APOOL: variants seen among roughly 807,000 people sequenced by gnomAD.
APOOL encodes the protein apolipoprotein O like.
In APOOL, 12 loss-of-function variants were observed where a neutral mutation model predicts 23.1. The ratio of observed to expected loss-of-function variants is 0.52; its 90% CI spans 0.33 to 0.84. APOOL has a LOEUF of 0.84. APOOL is among the 40% of genes least tolerant of loss of function. APOOL has a pLI of 0.02. For synonymous variants in APOOL, 77 were observed against 69.9 expected (o/e 1.10, Z -0.51); for missense variants, 212 against 199.6 (o/e 1.06, Z -0.37).
At position 85,089,831 on chromosome X, in the gene APOOL, A is replaced by C. The variant is rs770804390; in HGVS notation, c.*2153A>C. On this transcript the variant is annotated 3_prime_UTR_variant, in exon 9 of 9. Coordinates refer to ENST00000373173, the MANE Select transcript of APOOL (RefSeq NM_198450.6). ...AATTACTCTCCCTCAAGTCATCATC[A>C]TCACTTTTCTGGGTTACTGTAATAG... 2 of 110,980 alleles carry C rather than the reference A, an allele frequency of 1.8e-5. No individual in the cohort carries two copies. Among genetic ancestry groups the C allele is most frequent in the East Asian group, 5.7e-4 (2 of 3,519 alleles). 9.1% of individuals were successfully genotyped at this position (110,980 alleles called of 1,213,427 possible). A position where few individuals can be genotyped will look rare whatever the true frequency, so the allele number is the denominator to read the frequency against.
intron 8 of APOOL, among the ~76,000 whole-genome samples, chrX:85,076,995 T>TTATATATATATATATATATA (rs752255967): frequency 6.2e-4 from 51 of 82,480 alleles, no homozygotes; most frequent in African/African-American, 2.4e-3. Context: ...TTTGCTAAAC[T>TTATATATATATATATATATA]TATATATATA....
intron 5 of APOOL, among the ~76,000 whole-genome samples, chrX:85,060,149 G>T (rs1469398679): frequency 5.6e-5 from 6 of 108,004 alleles, no homozygotes; most frequent in East Asian, 2.9e-4. Context: ...TTTCCCCATT[G>T]CTTGTTTTTC....
intron 1 of APOOL, among the ~76,000 whole-genome samples, chrX:85,033,794 CTG>C (rs1442198190): frequency 8.9e-6 from 1 of 111,805 alleles, no homozygotes; most frequent in Non-Finnish European, 1.9e-5. Flanking sequence ...CACTACCAGA[CTG>C]TAGAGCTTTT....
At chrX:85,074,433 A>C in intron 8 of APOOL, 42 bp downstream of exon 8, 2 of 1,177,855 alleles carry the variant, frequency 1.7e-6, no homozygotes, top group Non-Finnish European at 2.3e-6. Context: ...TTCTTTTCTT[A>C]AATAATTTGA....
At chrX:85,066,361 G>C (rs980563385) in intron 5 of APOOL, among the ~76,000 whole-genome samples, 3 of 111,170 alleles carry the variant, frequency 2.7e-5, no homozygotes, top group African/African-American at 9.8e-5. Flanking sequence ...AGTGTTTAGT[G>C]GTGCTATCAG....
At chrX:85,041,820 G>A (rs1387415314) in intron 1 of APOOL, among the ~76,000 whole-genome samples, 4 of 110,793 alleles carry the variant, frequency 3.6e-5, no homozygotes, top group Non-Finnish European at 7.6e-5. Flanking sequence ...TTTCCCTGTG[G>A]TGAGGAGCCC....
Position 85,088,055 on chromosome X carries a change from CATAT to C in APOOL, c.*380_*383del, listed in dbSNP as rs373412779. On this transcript the variant is annotated 3_prime_UTR_variant, in exon 9 of 9. Coordinates refer to ENST00000373173, the MANE Select transcript of APOOL (RefSeq NM_198450.6). The stretch of plus-strand genomic sequence containing the variant: ...ATACATGTATAAATACGTATTTATA[CATAT>C]ATGTATAAATACATATACATATATG... 2 of 27,758 alleles carry C rather than the reference CATAT, an allele frequency of 7.2e-5. No homozygotes were observed. The highest frequency in any genetic ancestry group is 1.1e-4 in the Non-Finnish European group (2 of 17,702). The allele number at this position is 27,758 out of a possible 1,213,427, so 2.3% of individuals were successfully genotyped here.
At chrX:85,015,414 C>T (rs1281211124) in intron 1 of APOOL, among the ~76,000 whole-genome samples, 1 of 110,495 alleles carries the variant, frequency 9.1e-6, no homozygotes. Context: ...TTGTCATTAC[C>T]AGAATTACTT....
rs774320111 is a variant in APOOL at position 85,003,976 on chromosome X, C to T, written c.15+49C>T. The T allele has an allele frequency of 6.5e-5, 78 of 1,200,363 alleles. 2 individuals carry two copies. The South Asian group carries it at 1.2e-3, about 19-fold the overall frequency. On this transcript the variant is annotated intron_variant, in intron 1 of 8. Transcript: ENST00000373173. ...ATTTCTGTGGGTGCCGATAGCATCC[C>T]GGTAACTGTAAAAGGGATCCTACTA... is the stretch of plus-strand genomic sequence containing the variant.
chrX:85,040,305 T>G (rs1922363716), intron 1 of APOOL, among the ~76,000 whole-genome samples: 1 of 111,825 alleles, frequency 8.9e-6, no homozygotes, highest in Admixed American at 9.5e-5. Flanking sequence ...GATGACCTTC[T>G]TCTTCTCTCT....
intron 1 of APOOL, among the ~76,000 whole-genome samples, chrX:85,044,799 A>G (rs1026775720): frequency 2.7e-5 from 3 of 111,792 alleles, no homozygotes; most frequent in African/African-American, 9.8e-5. Context: ...ATTATCAGCA[A>G]TATCTATGAA....
intron 5 of APOOL, among the ~76,000 whole-genome samples, chrX:85,061,793 T>C (rs1286449405): frequency 1.8e-5 from 2 of 111,972 alleles, no homozygotes; most frequent in African/African-American, 6.5e-5. Context: ...TTAGTCTTGC[T>C]AGCGGTCTAT....
intron 8 of APOOL, among the ~76,000 whole-genome samples, chrX:85,075,205 A>T (rs1310716165): frequency 9.0e-6 from 1 of 111,222 alleles, no homozygotes; most frequent in African/African-American, 3.3e-5. Flanking sequence ...ACATACTGTG[A>T]TGCAGAGAGC....
rs1294082111 is a variant in APOOL at position 85,088,321 on chromosome X, T to TTTTTG, written c.*647_*648insGTTTT. 4.3e-5 allele frequency: 3 copies of TTTTTG among 69,291 alleles called. No homozygotes were observed. The highest frequency in any genetic ancestry group is 7.2e-5 in the African/African-American group (1 of 13,888). The allele number at this position is 69,291 out of a possible 1,213,427, so 5.7% of individuals were successfully genotyped here. A position where few individuals can be genotyped will look rare whatever the true frequency, so the allele number is the denominator to read the frequency against. ...GGAAAGGTGTGTTTCCCTCTGTTTT[T>TTTTTG]TTTTTTTTTTTTTTTTTTTTTTTTC... On this transcript the variant is annotated 3_prime_UTR_variant, in exon 9 of 9. Coordinates refer to ENST00000373173, the MANE Select transcript of APOOL (RefSeq NM_198450.6).
chrX:85,073,926 A>G, intron 6 of APOOL, 72 bp from the exon 7 acceptor site: 1 of 759,622 alleles, frequency 1.3e-6, no homozygotes. Flanking sequence ...AAAATACCTG[A>G]CAAATCTAAA....
At chrX:85,029,090 T>A (rs1033209920) in intron 1 of APOOL, among the ~76,000 whole-genome samples, 4 of 111,564 alleles carry the variant, frequency 3.6e-5, no homozygotes, top group Non-Finnish European at 7.5e-5. Flanking sequence ...CAATTTTTAG[T>A]TTTTTTGAGG....
In APOOL at chrX:85,087,477, TTAGG is replaced by T. The variant is rs779075497; in HGVS notation, c.719-111_719-108del. The stretch of plus-strand genomic sequence containing the variant: ...TTGTCTGTCTCACCTAACTCAAATG[TTAGG>T]TCTGTGTCACTAGAGATTTTTATCT... On this transcript the variant is annotated intron_variant, in intron 8 of 8. Transcript: ENST00000373173. 5 of 565,168 alleles carry T rather than the reference TTAGG, an allele frequency of 8.8e-6. No individual in the cohort carries two copies. The Admixed American group carries it at 1.4e-4, about 16-fold the overall frequency. The allele number at this position is 565,168 out of a possible 1,213,427, so 46.6% of individuals were successfully genotyped here. A position where few individuals can be genotyped will look rare whatever the true frequency, so the allele number is the denominator to read the frequency against.
chrX:85,076,594 CATT>C (rs1342634662), intron 8 of APOOL, among the ~76,000 whole-genome samples: 1 of 110,468 alleles, frequency 9.1e-6, no homozygotes, highest in Admixed American at 9.8e-5. Context: ...TAAAATATAT[CATT>C]ATTATTATTT....
Position 85,087,766 on chromosome X carries a change from TGATACATA to T in APOOL, c.*91_*98del, listed in dbSNP as rs1246528932. The T allele has an allele frequency of 7.5e-6, 6 of 796,668 alleles. No homozygotes were observed. Among genetic ancestry groups the T allele is most frequent in the Non-Finnish European group, 1.8e-6 (1 of 568,544 alleles). 65.7% of individuals were successfully genotyped at this position (796,668 alleles called of 1,213,427 possible). On this transcript the variant is annotated 3_prime_UTR_variant, in exon 9 of 9. Coordinates refer to ENST00000373173, the MANE Select transcript of APOOL (RefSeq NM_198450.6). ...GAAAATAAATCATGTAATGGGTAAC[TGATACATA>T]GAGTATTACCTAAACCAAGTTTCTC... is the stretch of plus-strand genomic sequence containing the variant.
Sources: gnomAD v4.1 joint callset for allele counts (sites outside exome capture counted in the v4.1 genomes callset) on GRCh38, gnomAD v4.1.1 for gene constraint, MANE v1.5 for transcripts, NCBI Gene and HGNC (gene_info 2026-07-23, HGNC 2026-07-21) for gene names.